MOSMO: variants seen among roughly 807,000 people sequenced by gnomAD.
The protein encoded by MOSMO is modulator of smoothened protein.
MOSMO carries 5 observed loss-of-function variants against 18.4 expected under a neutral mutation model. The ratio of observed to expected loss-of-function variants is 0.27; its 90% CI spans 0.14 to 0.57. The LOEUF (loss-of-function observed/expected upper bound fraction) is 0.57. Ranked by LOEUF, MOSMO falls within the 20% of genes least tolerant of loss-of-function variation. The pLI, the probability that MOSMO is intolerant of heterozygous loss-of-function variation, is 0.92. For synonymous variants in MOSMO, 82 were observed against 82.3 expected, an observed-to-expected ratio of 1.00 and a Z score of 0.02; for missense variants, 138 against 211.8, an observed-to-expected ratio of 0.65 and a Z score of 2.16.
At chr16:22,047,535 C>T (rs933785224) in intron 1 of MOSMO, among the ~76,000 whole-genome samples, 10 of 152,120 alleles carry the variant, frequency 6.6e-5, no homozygotes, top group South Asian at 6.2e-4. Context: ...TGAGCCACCG[C>T]GCCTGGCCTA....
chr16:22,026,511 G>T (rs1156278948), intron 1 of MOSMO, among the ~76,000 whole-genome samples: 1 of 152,080 alleles, frequency 6.6e-6, no homozygotes, highest in African/African-American at 2.4e-5. Flanking sequence ...GAGCCACCGC[G>T]CCCAGCCTGA....
At chr16:22,019,984 C>A (rs531724932) in intron 1 of MOSMO, among the ~76,000 whole-genome samples, 4 of 151,854 alleles carry the variant, frequency 2.6e-5, no homozygotes, top group Non-Finnish European at 5.9e-5. Flanking sequence ...GAGGCCGAGG[C>A]GGGCAGATCA....
chr16:22,045,172 C>T (rs543892798), intron 1 of MOSMO, among the ~76,000 whole-genome samples: 6 of 148,420 alleles, frequency 4.0e-5, no homozygotes, highest in Non-Finnish European at 8.9e-5. Flanking sequence ...GCAATAGAAC[C>T]AGACATTGTC....
At chr16:22,070,458 A>G (rs1014195141) in intron 1 of MOSMO, among the ~76,000 whole-genome samples, 2 of 152,200 alleles carry the variant, frequency 1.3e-5, no homozygotes, top group East Asian at 3.9e-4. Context: ...AGGGAAAGAC[A>G]TGAAGGCAAG....
chr16:22,021,773 G>A (rs754698667), intron 1 of MOSMO, among the ~76,000 whole-genome samples: 17 of 151,976 alleles, frequency 1.1e-4, no homozygotes, highest in East Asian at 1.9e-4. Context: ...ACTCCAGCCT[G>A]GGTGACAGAG....
chr16:22,036,135 T>C (rs1900103912), intron 1 of MOSMO, among the ~76,000 whole-genome samples: 1 of 152,170 alleles, frequency 6.6e-6, no homozygotes, highest in Admixed American at 6.5e-5. Context: ...TATTTACTTA[T>C]TTATTTTTTG....
intron 1 of MOSMO, among the ~76,000 whole-genome samples, chr16:22,009,369 G>T (rs1051914426): frequency 6.6e-6 from 1 of 152,132 alleles, no homozygotes; most frequent in Non-Finnish European, 1.5e-5. Context: ...AGGCAAGGTG[G>T]TGCCCTCGGG....
chr16:22,010,228 T>G (rs1567496787), intron 1 of MOSMO, among the ~76,000 whole-genome samples: 1 of 152,220 alleles, frequency 6.6e-6, no homozygotes, highest in Non-Finnish European at 1.5e-5. Flanking sequence ...CTACTTTTCT[T>G]GCCCATAGAG....
At chr16:22,024,170 G>T (rs115113836) in intron 1 of MOSMO, among the ~76,000 whole-genome samples, 4 of 151,618 alleles carry the variant, frequency 2.6e-5, no homozygotes, top group African/African-American at 9.7e-5. Flanking sequence ...AGTTTCTTTG[G>T]TATATTATAT....
intron 1 of MOSMO, among the ~76,000 whole-genome samples, chr16:22,035,250 G>A (rs1220582235): frequency 6.6e-6 from 1 of 152,164 alleles, no homozygotes; most frequent in Non-Finnish European, 1.5e-5. Context: ...AGGTGAGACA[G>A]GAAAGCTAGA....
Position 22,083,604 on chromosome 16 carries a change from G to T in MOSMO, c.*2724G>T, listed in dbSNP as rs1005246030. 3 of 447,524 alleles carry T rather than the reference G, an allele frequency of 6.7e-6. No individual in the cohort carries two copies. Among genetic ancestry groups the T allele is most frequent in the African/African-American group, 4.0e-5 (2 of 49,430 alleles). 27.7% of individuals were successfully genotyped at this position (447,524 alleles called of 1,614,324 possible). On this transcript the variant is annotated 3_prime_UTR_variant, in exon 3 of 3. Coordinates refer to ENST00000542527, the MANE Select transcript of MOSMO (RefSeq NM_001164579.2). ...AATTTATAGCAGGAAATCGTATCTT[G>T]TAAACTGTATATAAAACACTGTTTT...
At chr16:22,052,818 A>G (rs928942523) in intron 1 of MOSMO, among the ~76,000 whole-genome samples, 3 of 151,900 alleles carry the variant, frequency 2.0e-5, no homozygotes, top group East Asian at 3.9e-4. Flanking sequence ...TTTAGGGGGA[A>G]AAAAAATTGT....
chr16:22,030,318 C>A (rs891884595), intron 1 of MOSMO, among the ~76,000 whole-genome samples: 1 of 152,128 alleles, frequency 6.6e-6, no homozygotes. Context: ...ATACAGTCAA[C>A]GTATTTGAAA....
At position 22,084,565 on chromosome 16, in the gene MOSMO, A is replaced by G. The variant is rs1901137390; in HGVS notation, c.*3685A>G. 2.6e-5 allele frequency: 4 copies of G among 152,232 alleles called. No homozygotes were observed. In the South Asian group the frequency reaches 6.2e-4, roughly 24 times the overall value. The allele number at this position is 152,232 out of a possible 1,614,324, so 9.4% of individuals were successfully genotyped here. A position where few individuals can be genotyped will look rare whatever the true frequency, so the allele number is the denominator to read the frequency against. ...AGTTTCAAAACAAATTGTTAATACA[A>G]CTGTATAAAATGAACATAATTTTCC... On this transcript the variant is annotated 3_prime_UTR_variant, in exon 3 of 3. Coordinates refer to ENST00000542527, the MANE Select transcript of MOSMO (RefSeq NM_001164579.2).
At chr16:22,062,453 G>T (rs921957801) in intron 1 of MOSMO, among the ~76,000 whole-genome samples, 1 of 152,050 alleles carries the variant, frequency 6.6e-6, no homozygotes, top group Non-Finnish European at 1.5e-5. Context: ...CTCTTGAGTA[G>T]CTTGAACCAC....
At chr16:22,038,080 G>T (rs759875620) in intron 1 of MOSMO, among the ~76,000 whole-genome samples, 5 of 152,182 alleles carry the variant, frequency 3.3e-5, no homozygotes, top group Non-Finnish European at 5.9e-5. Flanking sequence ...CCAGCCACCA[G>T]CCATCTCATT....
intron 1 of MOSMO, among the ~76,000 whole-genome samples, chr16:22,025,900 C>G (rs1372899630): frequency 2.6e-5 from 4 of 152,206 alleles, no homozygotes; most frequent in Non-Finnish European, 4.4e-5. Context: ...TTTAGTACCT[C>G]TCTCTTATTA....
intron 2 of MOSMO, among the ~76,000 whole-genome samples, chr16:22,076,578 C>T (rs962794102): frequency 3.3e-5 from 5 of 152,158 alleles, no homozygotes; most frequent in African/African-American, 1.2e-4. Flanking sequence ...AGAACAATAC[C>T]TATGCAAATG....
intron 1 of MOSMO, among the ~76,000 whole-genome samples, chr16:22,060,487 T>C (rs1302902777): frequency 1.3e-5 from 2 of 152,236 alleles, no homozygotes; most frequent in African/African-American, 2.4e-5. Flanking sequence ...TCTACATTTT[T>C]AGAATGGCTA....
Sources: gnomAD v4.1 joint callset for allele counts (sites outside exome capture counted in the v4.1 genomes callset) on GRCh38, gnomAD v4.1.1 for gene constraint, MANE v1.5 for transcripts, NCBI Gene and HGNC (gene_info 2026-07-23, HGNC 2026-07-21) for gene names.